Variants in TENM3 observed in about 807,000 individuals in gnomAD.
The protein encoded by TENM3 is teneurin transmembrane protein 3.
TENM3 carries 63 observed loss-of-function variants against 255.1 expected under a neutral mutation model. That is an observed-to-expected ratio of 0.25 (90% CI 0.20 to 0.30). TENM3 has a LOEUF of 0.30. Ranked by LOEUF, TENM3 falls within the 10% of genes least tolerant of loss-of-function variation. TENM3 has a pLI of 1.00. For missense variants in TENM3, 2,929 were observed against 3,461.1 expected (o/e 0.85, Z 3.86); for synonymous variants, 1,306 against 1,322.3 (o/e 0.99, Z 0.27).
At chr4:182,065,628 A>G in the TENM3 span, among the ~76,000 whole-genome samples, 1 of 151,834 alleles carries the variant, frequency 6.6e-6, no homozygotes, top group South Asian at 2.1e-4. Flanking sequence ...CTCTAACATT[A>G]AGGATTACAA....
intron 1 of TENM3, among the ~76,000 whole-genome samples, chr4:182,214,422 A>T (rs2149913465): frequency 6.6e-6 from 1 of 152,202 alleles, no homozygotes; most frequent in East Asian, 1.9e-4. Context: ...AAGACTTATT[A>T]TTTTCCATTC....
At chr4:181,612,322 C>G in the TENM3 span, among the ~76,000 whole-genome samples, 1 of 152,216 alleles carries the variant, frequency 6.6e-6, no homozygotes. Context: ...ATCCCATCAC[C>G]GTTGGGACCA....
chr4:181,869,451 T>C, the TENM3 span, among the ~76,000 whole-genome samples: 1 of 152,138 alleles, frequency 6.6e-6, no homozygotes, highest in African/African-American at 2.4e-5. Context: ...TTATGCATGT[T>C]ATAAAGCAGT....
intron 3 of TENM3, among the ~76,000 whole-genome samples, chr4:182,447,362 T>A (rs1477766736): frequency 6.6e-6 from 1 of 152,054 alleles, no homozygotes; most frequent in Admixed American, 6.5e-5. Context: ...TTAGACGTAA[T>A]GGAAAATGAG....
intron 3 of TENM3, among the ~76,000 whole-genome samples, chr4:182,506,779 T>C (rs148024623): frequency 2.0e-5 from 3 of 152,324 alleles, no homozygotes; most frequent in Non-Finnish European, 2.9e-5. Flanking sequence ...TGGCGCTGTA[T>C]ACGAAAACCT....
Position 182,222,946 on chromosome 4 carries a change from A to G in TENM3, c.-76+78192A>G, listed in dbSNP as rs144397805. The stretch of plus-strand genomic sequence containing the variant: ...GCCTCTGAATCCAGCCATCCTTTGG[A>G]GAGAGTCAAGCATGGTTTATCTTCT... On this transcript the variant is annotated intron_variant, in intron 1 of 2. Coordinates refer to the TENM3 transcript ENST00000512480. 7.2e-5 allele frequency among the ~76,000 whole-genome samples: 11 copies of G among 152,214 alleles called. No individual in the cohort carries two copies. In the East Asian group the frequency reaches 2.1e-3, roughly 29 times the overall value.
At chr4:182,224,696 G>A (rs972168039) in intron 1 of TENM3, among the ~76,000 whole-genome samples, 4 of 151,912 alleles carry the variant, frequency 2.6e-5, no homozygotes, top group Non-Finnish European at 5.9e-5. Flanking sequence ...GTAAGGCAAT[G>A]GAGTATGCAG....
chr4:182,338,490 G>A (rs1478291205), intron 2 of TENM3, among the ~76,000 whole-genome samples: 1 of 152,084 alleles, frequency 6.6e-6, no homozygotes, highest in Non-Finnish European at 1.5e-5. Context: ...TTTGGGGGAG[G>A]GGGAGGCAGT....
At chr4:182,336,438 A>C (rs1480210469) in intron 2 of TENM3, among the ~76,000 whole-genome samples, 1 of 152,230 alleles carries the variant, frequency 6.6e-6, no homozygotes, top group African/African-American at 2.4e-5. Flanking sequence ...ATAACACAAA[A>C]AACTGAAAGA....
At chr4:181,709,803 T>A in the TENM3 span, among the ~76,000 whole-genome samples, 1 of 152,320 alleles carries the variant, frequency 6.6e-6, no homozygotes, top group Admixed American at 6.5e-5. Context: ...GACTTATTTT[T>A]TGAAGTAGCG....
intron 1 of TENM3, among the ~76,000 whole-genome samples, chr4:182,224,156 G>A (rs1040715452): frequency 2.6e-5 from 4 of 152,122 alleles, no homozygotes; most frequent in African/African-American, 9.7e-5. Flanking sequence ...GAAAAATGAG[G>A]CAATCATTTC....
chr4:182,180,039 T>C (rs1752747874), intron 1 of TENM3, among the ~76,000 whole-genome samples: 1 of 152,098 alleles, frequency 6.6e-6, no homozygotes, highest in Admixed American at 6.5e-5. Flanking sequence ...TACTTAAGTA[T>C]TTGTGGGGCA....
At chr4:181,874,477 T>G in the TENM3 span, 1 of 152,204 alleles carries the variant, frequency 6.6e-6, no homozygotes, top group Non-Finnish European at 1.5e-5. Context: ...ATGAAGACTT[T>G]TATTACGATA....
At chr4:182,004,522 C>T in the TENM3 span, among the ~76,000 whole-genome samples, 1 of 152,262 alleles carries the variant, frequency 6.6e-6, no homozygotes, top group African/African-American at 2.4e-5. Context: ...GCAAATAGTG[C>T]TATAATAAAC....
At chr4:181,739,420 T>C in the TENM3 span, among the ~76,000 whole-genome samples, 1 of 152,210 alleles carries the variant, frequency 6.6e-6, no homozygotes, top group Non-Finnish European at 1.5e-5. Context: ...TAAAGAACTA[T>C]ACTTGCTTTC....
At chr4:181,610,937 G>A in the TENM3 span, among the ~76,000 whole-genome samples, 83 of 152,250 alleles carry the variant, frequency 5.5e-4, 1 homozygote, top group African/African-American at 1.9e-3. Flanking sequence ...ATCAAAGTGG[G>A]AAATATTACC....
Position 182,530,613 on chromosome 4 carries a change from G to A in TENM3, c.512-70311G>A, listed in dbSNP as rs147453241. 3.8e-3 allele frequency among the ~76,000 whole-genome samples: 571 copies of A among 152,206 alleles called. 5 individuals carry two copies. Among genetic ancestry groups the A allele is most frequent in the African/African-American group, 0.013 (551 of 41,504 alleles). On this transcript the variant is annotated intron_variant, in intron 3 of 27. Transcript: ENST00000511685. Reference sequence around the variant, plus strand: ...CTCTGACCTCTACCTACTAGATGCTGGTAGCACCCTCCTAGTCATGACAAC... The same window carrying A: ...CTCTGACCTCTACCTACTAGATGCTAGTAGCACCCTCCTAGTCATGACAAC...
chr4:181,507,845 G>A, the TENM3 span, among the ~76,000 whole-genome samples: 4 of 149,624 alleles, frequency 2.7e-5, no homozygotes, highest in African/African-American at 9.8e-5. Context: ...GGTTTTCTTC[G>A]CCTCTCTCTT....
At chr4:181,711,848 T>C in the TENM3 span, among the ~76,000 whole-genome samples, 1 of 152,134 alleles carries the variant, frequency 6.6e-6, no homozygotes, top group Middle Eastern at 3.2e-3. Context: ...CTGTGCAGGA[T>C]GGGTGGGTAA....
Sources: gnomAD v4.1 joint callset for allele counts (sites outside exome capture counted in the v4.1 genomes callset) on GRCh38, gnomAD v4.1.1 for gene constraint, MANE v1.5 for transcripts, NCBI Gene and HGNC (gene_info 2026-07-23, HGNC 2026-07-21) for gene names.